Variants in AGBL1 observed in about 807,000 individuals in gnomAD.
AGBL1 encodes cytosolic carboxypeptidase 4.
Under a neutral mutation model 118.9 loss-of-function variants are expected in AGBL1, and 130 were observed. The observed-to-expected ratio is 1.09, with a 90% confidence interval of 0.95 to 1.26. The LOEUF (loss-of-function observed/expected upper bound fraction) is 1.26. Among genes scored for constraint, AGBL1 ranks in the 50% most tolerant of loss-of-function variants. The probability of loss-of-function intolerance (pLI) is 0.00; values close to 1 mark genes in which losing one functional copy is unlikely to be tolerated. For synonymous variants in AGBL1, 555 were observed against 478.9 expected, an observed-to-expected ratio of 1.16 and a Z score of -2.08; for missense variants, 1,584 against 1,298.1, an observed-to-expected ratio of 1.22 and a Z score of -3.38.
At chr15:86,805,199 T>A (rs759896206) in intron 22 of AGBL1, among the ~76,000 whole-genome samples, 1 of 152,060 alleles carries the variant, frequency 6.6e-6, no homozygotes. Flanking sequence ...TTTTCTTTTT[T>A]TTTTTCCTAT....
intron 22 of AGBL1, among the ~76,000 whole-genome samples, chr15:86,721,984 C>T (rs1218264285): frequency 2.6e-5 from 4 of 152,056 alleles, no homozygotes; most frequent in Non-Finnish European, 4.4e-5. Context: ...GAACTACAAA[C>T]CACTGCTCAA....
chr15:86,828,221 C>A (rs552864425), intron 22 of AGBL1, among the ~76,000 whole-genome samples: 1 of 151,872 alleles, frequency 6.6e-6, no homozygotes, highest in Non-Finnish European at 1.5e-5. Flanking sequence ...GAGATTACAG[C>A]CATGAGCCAC....
intron 22 of AGBL1, among the ~76,000 whole-genome samples, chr15:86,843,307 G>A (rs2079271148): frequency 6.6e-6 from 1 of 152,128 alleles, no homozygotes; most frequent in African/African-American, 2.4e-5. Flanking sequence ...GAATAGTATA[G>A]GTTTCATGCA....
At chr15:86,184,267 C>G (rs545071978) in intron 5 of AGBL1, among the ~76,000 whole-genome samples, 10 of 152,166 alleles carry the variant, frequency 6.6e-5, no homozygotes, top group African/African-American at 2.4e-4. Context: ...ATTAGGGTTG[C>G]AGTGAAGGCT....
chr15:86,701,454 C>G (rs1227483265), intron 22 of AGBL1, among the ~76,000 whole-genome samples: 2 of 152,012 alleles, frequency 1.3e-5, no homozygotes, highest in Admixed American at 1.3e-4. Context: ...CTGAATTGTG[C>G]TGAGTGTGCA....
intron 22 of AGBL1, among the ~76,000 whole-genome samples, chr15:86,721,534 C>T (rs906118202): frequency 2.6e-5 from 4 of 152,124 alleles, no homozygotes; most frequent in African/African-American, 9.7e-5. Context: ...CTATGACAAA[C>T]CCACAGCCAA....
chr15:86,483,006 A>G (rs773155797), intron 18 of AGBL1, among the ~76,000 whole-genome samples: 1 of 152,146 alleles, frequency 6.6e-6, no homozygotes, highest in African/African-American at 2.4e-5. Flanking sequence ...ACTTCAAGGG[A>G]GAAGAAAAGG....
At chr15:86,280,131 A>G (rs1427355885) in intron 16 of AGBL1, among the ~76,000 whole-genome samples, 4 of 149,452 alleles carry the variant, frequency 2.7e-5, no homozygotes, top group Admixed American at 1.3e-4. Context: ...GAGCAACACC[A>G]TACAAGTAAG....
chr15:86,199,813 A>G (rs569670067), intron 5 of AGBL1, among the ~76,000 whole-genome samples: 6 of 152,324 alleles, frequency 3.9e-5, no homozygotes, highest in South Asian at 2.1e-4. Flanking sequence ...CATAATTTAT[A>G]TTACTTGAAT....
At chr15:86,150,339 C>G (rs919389766) in intron 3 of AGBL1, among the ~76,000 whole-genome samples, 3 of 151,998 alleles carry the variant, frequency 2.0e-5, no homozygotes, top group Non-Finnish European at 2.9e-5. Flanking sequence ...GAATCCAGGA[C>G]CTGTTTTTTT....
chr15:86,982,034 C>T (rs552089846), intron 23 of AGBL1, among the ~76,000 whole-genome samples: 2 of 152,244 alleles, frequency 1.3e-5, no homozygotes, highest in South Asian at 2.1e-4. Flanking sequence ...CATGAACACT[C>T]ATGTTATGAA....
At chr15:86,705,047 A>G (rs569562041) in intron 22 of AGBL1, among the ~76,000 whole-genome samples, 1 of 152,208 alleles carries the variant, frequency 6.6e-6, no homozygotes, top group East Asian at 1.9e-4. Context: ...AAAATCAAAC[A>G]CTGCATGTCC....
chr15:86,970,605 T>C (rs572214143), intron 23 of AGBL1, among the ~76,000 whole-genome samples: 66 of 152,084 alleles, frequency 4.3e-4, no homozygotes, highest in Non-Finnish European at 7.8e-4. Flanking sequence ...TAAACTACAA[T>C]CATGGTACCT....
chr15:86,089,383 C>G (rs1261024301), intron 1 of AGBL1, among the ~76,000 whole-genome samples: 1 of 152,120 alleles, frequency 6.6e-6, no homozygotes, highest in Non-Finnish European at 1.5e-5. Context: ...CTGGTCCTTA[C>G]TTGATTGGGA....
chr15:86,135,189 G>GCCTGGCA (rs2076873035), intron 1 of AGBL1, among the ~76,000 whole-genome samples: 1 of 152,122 alleles, frequency 6.6e-6, no homozygotes. Context: ...TGTTGAAAAG[G>GCCTGGCA]CCTGGCACTT....
chr15:86,235,934 A>T (rs2078534211), intron 6 of AGBL1, among the ~76,000 whole-genome samples: 1 of 152,158 alleles, frequency 6.6e-6, no homozygotes, highest in Non-Finnish European at 1.5e-5. Context: ...TCAGCCCAAG[A>T]TGTCAGTAGT....
intron 18 of AGBL1, among the ~76,000 whole-genome samples, chr15:86,432,948 T>C (rs1229760108): frequency 6.6e-6 from 1 of 152,218 alleles, no homozygotes; most frequent in Non-Finnish European, 1.5e-5. Flanking sequence ...TGGCAGGGCC[T>C]GGCTGCAGGG....
At chr15:86,293,808 G>A (rs928704886) in intron 16 of AGBL1, among the ~76,000 whole-genome samples, 1 of 151,978 alleles carries the variant, frequency 6.6e-6, no homozygotes, top group African/African-American at 2.4e-5. Context: ...AAATTCATGA[G>A]TTTTTTGTTT....
At chr15:86,147,200 C>T (rs1034595222) in intron 3 of AGBL1, among the ~76,000 whole-genome samples, 5 of 152,150 alleles carry the variant, frequency 3.3e-5, no homozygotes, top group African/African-American at 1.2e-4. Flanking sequence ...GTGACTGACG[C>T]AGAAGATGGG....
Sources: gnomAD v4.1 joint callset for allele counts (sites outside exome capture counted in the v4.1 genomes callset) on GRCh38, gnomAD v4.1.1 for gene constraint, MANE v1.5 for transcripts, NCBI Gene and HGNC (gene_info 2026-07-23, HGNC 2026-07-21) for gene names.